Variants in DAB1 observed in about 807,000 individuals in gnomAD.
DAB1 encodes the protein DAB adaptor protein 1.
Under a neutral mutation model 64.6 loss-of-function variants are expected in DAB1, and 15 were observed. The observed-to-expected ratio is 0.23, with a 90% CI of 0.16 to 0.36. The LOEUF is 0.36. Ranked by LOEUF, DAB1 falls within the 10% of genes least tolerant of loss-of-function variation. The probability of loss-of-function intolerance (pLI) is 1.00; values close to 1 mark genes in which losing one functional copy is unlikely to be tolerated. For synonymous variants in DAB1, 235 were observed against 251.9 expected, an observed-to-expected ratio of 0.93 and a Z score of 0.64; for missense variants, 596 against 706.7, an observed-to-expected ratio of 0.84 and a Z score of 1.78.
intron 7 of DAB1, among the ~76,000 whole-genome samples, chr1:57,632,314 A>G (rs1645999637): frequency 6.6e-6 from 1 of 152,212 alleles, no homozygotes; most frequent in East Asian, 1.9e-4. Context: ...GTGTTATTAG[A>G]AAAATAAATC....
At chr1:57,072,450 G>A (rs1428656904) in intron 4 of DAB1, 36 bp from the exon 5 acceptor site, 1 of 1,604,812 alleles carries the variant, frequency 6.2e-7, no homozygotes, top group South Asian at 1.1e-5. Flanking sequence ...ATATTTCAGG[G>A]GACTTTCCCT....
chr1:58,122,431 T>C (rs1343837281), intron 5 of DAB1, among the ~76,000 whole-genome samples: 4 of 152,068 alleles, frequency 2.6e-5, no homozygotes, highest in East Asian at 1.9e-4. Context: ...CTTTAAAACA[T>C]AGAGGAACTC....
intron 6 of DAB1, among the ~76,000 whole-genome samples, chr1:57,748,191 T>A (rs1040038990): frequency 6.6e-6 from 1 of 152,200 alleles, no homozygotes; most frequent in African/African-American, 2.4e-5. Context: ...AAATATGTCC[T>A]CTGGGCAACA....
chr1:57,339,230 A>G (rs1033151000), intron 1 of DAB1, among the ~76,000 whole-genome samples: 4 of 149,146 alleles, frequency 2.7e-5, no homozygotes, highest in African/African-American at 9.9e-5. Context: ...ATCTCTGCTC[A>G]CGGCAAGCTC....
At chr1:58,066,020 T>A (rs1256729586) in intron 5 of DAB1, among the ~76,000 whole-genome samples, 1 of 152,198 alleles carries the variant, frequency 6.6e-6, no homozygotes, top group Non-Finnish European at 1.5e-5. Context: ...ACAAGTACCA[T>A]CTTGAAGGGA....
At chr1:58,350,119 G>GT in intron 3 of DAB1, among the ~76,000 whole-genome samples, 1 of 152,206 alleles carries the variant, frequency 6.6e-6, no homozygotes, top group South Asian at 2.1e-4. Flanking sequence ...TCCAGTATCT[G>GT]TTTTTTCCTG....
chr1:57,328,364 A>G (rs779543616), intron 1 of DAB1, among the ~76,000 whole-genome samples: 3 of 152,154 alleles, frequency 2.0e-5, no homozygotes, highest in Non-Finnish European at 2.9e-5. Flanking sequence ...TGCTATACTC[A>G]AAGAACCCTG....
rs531465643 is a variant in DAB1, at chr1:58,171,956, G to A, written n.310-21368C>T. ...GACCAGGGCCCTCAGCAAGGAACGA[G>A]TACAGCCTGTTCTGGCTTATCCTCA... On this transcript the variant is annotated intron_variant and non_coding_transcript_variant, in intron 4 of 20. Coordinates refer to the DAB1 transcript ENST00000485760. 3.3e-5 allele frequency among the ~76,000 whole-genome samples: 5 copies of A among 152,328 alleles called. No homozygotes were observed. In the South Asian group the frequency reaches 1.0e-3, roughly 32 times the overall value.
chr1:58,048,560 T>C (rs1316034575), intron 5 of DAB1: 47 of 1,066,296 alleles, frequency 4.4e-5, no homozygotes, highest in Non-Finnish European at 6.5e-5. Flanking sequence ...GCCAAACCCA[T>C]TATAACCATC....
intron 4 of DAB1, among the ~76,000 whole-genome samples, chr1:58,175,314 G>A (rs149914153): frequency 5.3e-5 from 8 of 152,226 alleles, no homozygotes; most frequent in African/African-American, 1.4e-4. Flanking sequence ...GCGAGACCAC[G>A]AACCCACCGG....
intron 1 of DAB1, among the ~76,000 whole-genome samples, chr1:57,342,623 C>CA (rs1677688019): frequency 6.6e-6 from 1 of 152,332 alleles, no homozygotes; most frequent in East Asian, 1.9e-4. Flanking sequence ...TCACTGACTT[C>CA]AAGAATGAAG....
At chr1:58,485,807 G>C (rs1645567749) in intron 3 of DAB1, among the ~76,000 whole-genome samples, 1 of 151,984 alleles carries the variant, frequency 6.6e-6, no homozygotes, top group Non-Finnish European at 1.5e-5. Context: ...GCACATAACA[G>C]GCACTTAACA....
chr1:57,320,594 C>T (rs896091443), intron 1 of DAB1, among the ~76,000 whole-genome samples: 2 of 152,122 alleles, frequency 1.3e-5, no homozygotes, highest in African/African-American at 4.8e-5. Flanking sequence ...CAGAGAGAAA[C>T]ATGTCTATAG....
chr1:57,310,237 T>G (rs1558139790), intron 1 of DAB1, among the ~76,000 whole-genome samples: 1 of 152,126 alleles, frequency 6.6e-6, no homozygotes, highest in Non-Finnish European at 1.5e-5. Context: ...TAATGAGTAG[T>G]TAGCAAAGGC....
intron 1 of DAB1, among the ~76,000 whole-genome samples, chr1:57,316,880 C>A (rs1342988228): frequency 6.6e-6 from 1 of 152,184 alleles, no homozygotes; most frequent in Non-Finnish European, 1.5e-5. Context: ...TGATCCCTGT[C>A]TAATAATATT....
rs1425331996 is a variant in DAB1 at position 58,335,574 on chromosome 1, T to C, written n.309+7778A>G. On this transcript the variant is annotated intron_variant and non_coding_transcript_variant, in intron 4 of 20. Transcript: ENST00000485760. Reference sequence around the variant, plus strand: ...CAATGCTGTGCACAATGAATGTGGGTGTAGGCATTAGCCTGGAGGCCAGGG... The same window carrying C: ...CAATGCTGTGCACAATGAATGTGGGCGTAGGCATTAGCCTGGAGGCCAGGG... 2.7e-5 allele frequency among the ~76,000 whole-genome samples: 4 copies of C among 150,232 alleles called. No individual in the cohort carries two copies. In the Admixed American group the frequency reaches 2.7e-4, roughly 10 times the overall value.
chr1:57,308,266 G>C (rs997096238), intron 1 of DAB1, among the ~76,000 whole-genome samples: 2 of 152,134 alleles, frequency 1.3e-5, no homozygotes, highest in African/African-American at 4.8e-5. Context: ...CCTGCAAACA[G>C]TCATTCTCTT....
rs781626330 is a variant in DAB1, at chr1:58,512,713, TAGAGA to T, written n.108-6509_108-6505del. ...ATCTAAAGTAGCAAGCTTGTAGAAG[TAGAGA>T]ATAGAATAGTGTTTGTCAGGGAGTG... On this transcript the variant is annotated intron_variant and non_coding_transcript_variant, in intron 2 of 20. Transcript: ENST00000485760. Among the ~76,000 whole-genome samples, 249 of 152,172 alleles carry T rather than the reference TAGAGA, an allele frequency of 1.6e-3. 1 individual carries two copies. The highest frequency in any genetic ancestry group is 6.3e-3 in the Admixed American group (96 of 15,292).
chr1:57,985,039 C>T (rs752752812), intron 5 of DAB1, among the ~76,000 whole-genome samples: 1 of 152,082 alleles, frequency 6.6e-6, no homozygotes, highest in Non-Finnish European at 1.5e-5. Flanking sequence ...TCTCAAGTAG[C>T]TGGGATTACA....
Sources: gnomAD v4.1 joint callset for allele counts (sites outside exome capture counted in the v4.1 genomes callset) on GRCh38, gnomAD v4.1.1 for gene constraint, MANE v1.5 for transcripts, NCBI Gene and HGNC (gene_info 2026-07-23, HGNC 2026-07-21) for gene names.